Variants in PALLD observed in about 807,000 individuals in gnomAD.
The protein encoded by PALLD is palladin, cytoskeletal associated protein.
PALLD carries 61 observed loss-of-function variants against 123.5 expected under a neutral mutation model. That is an observed-to-expected ratio of 0.49 (90% CI 0.40 to 0.61). The LOEUF (loss-of-function observed/expected upper bound fraction) is 0.61, where lower values mean the gene tolerates loss of function less well. Among genes scored for constraint, PALLD ranks in the 20% least tolerant of loss-of-function variants. The pLI, the probability that PALLD is intolerant of heterozygous loss-of-function variation, is 0.00. For synonymous variants in PALLD, 465 were observed against 496.4 expected, an observed-to-expected ratio of 0.94 and a Z score of 0.84; for missense variants, 1,273 against 1,377.0, an observed-to-expected ratio of 0.92 and a Z score of 1.20.
intron 2 of PALLD, among the ~76,000 whole-genome samples, chr4:168,576,697 C>T (rs960124252): frequency 6.6e-6 from 1 of 152,196 alleles, no homozygotes; most frequent in Non-Finnish European, 1.5e-5. Context: ...AATAAACATA[C>T]GTGTGCATGT....
intron 2 of PALLD, among the ~76,000 whole-genome samples, chr4:168,664,659 G>C (rs12510603): frequency 1.4e-4 from 22 of 151,738 alleles, no homozygotes; most frequent in Admixed American, 1.3e-3. Flanking sequence ...TGCTTTCAGG[G>C]AAAGCAACTG....
At chr4:168,708,797 G>A (rs1024367085) in intron 8 of PALLD, among the ~76,000 whole-genome samples, 2 of 151,982 alleles carry the variant, frequency 1.3e-5, no homozygotes, top group Non-Finnish European at 2.9e-5. Flanking sequence ...TGAGGACACC[G>A]AGACTGCTCT....
At chr4:168,744,349 G>A (rs909331594) in intron 10 of PALLD, among the ~76,000 whole-genome samples, 12 of 152,128 alleles carry the variant, frequency 7.9e-5, no homozygotes, top group African/African-American at 2.7e-4. Flanking sequence ...TATCTCTGTT[G>A]GGCCAGTTCT....
Position 168,671,399 on chromosome 4 carries a change from G to A in PALLD, c.1087+3031G>A, listed in dbSNP as rs1189177729. On this transcript the variant is annotated intron_variant, in intron 3 of 21. Transcript: ENST00000505667. ...GTTCGGGACTTCAACAGAGATAGTG[G>A]ATTTCTTCCAGTGCCCAGCTTTCCA... Among the ~76,000 whole-genome samples the A allele has an allele frequency of 2.0e-5, 3 of 152,214 alleles. 1 individual carries two copies. The highest frequency in any genetic ancestry group is 4.8e-5 in the African/African-American group (2 of 41,444).
intron 10 of PALLD, among the ~76,000 whole-genome samples, chr4:168,731,298 G>A (rs769963024): frequency 6.6e-6 from 1 of 152,218 alleles, no homozygotes; most frequent in Non-Finnish European, 1.5e-5. Context: ...CCATCTTTAA[G>A]TGGATGTCAA....
At chr4:168,601,534 G>T (rs563104117) in intron 2 of PALLD, among the ~76,000 whole-genome samples, 11 of 152,172 alleles carry the variant, frequency 7.2e-5, no homozygotes, top group African/African-American at 2.6e-4. Context: ...TTACTCTAGA[G>T]AAAATTCACA....
intron 2 of PALLD, among the ~76,000 whole-genome samples, chr4:168,512,620 A>G (rs1296400475): frequency 1.3e-5 from 2 of 152,158 alleles, no homozygotes; most frequent in Non-Finnish European, 2.9e-5. Context: ...CCTCTGTGCT[A>G]AGGAAGGAAG....
chr4:168,905,145 T>G (rs6553271), intron 15 of PALLD, among the ~76,000 whole-genome samples: 24,284 of 32,984 alleles, frequency 0.74, 9,152 homozygotes, highest in Middle Eastern at 0.82. Flanking sequence ...TTGGTTTTTT[T>G]TTTTTTTTTT....
At chr4:168,540,810 A>G (rs1453110870) in intron 2 of PALLD, among the ~76,000 whole-genome samples, 1 of 151,286 alleles carries the variant, frequency 6.6e-6, no homozygotes, top group Non-Finnish European at 1.5e-5. Flanking sequence ...TGGGAAGAAA[A>G]AAAAAAAAAA....
At chr4:168,585,852 C>A (rs1770763323) in intron 2 of PALLD, among the ~76,000 whole-genome samples, 1 of 152,164 alleles carries the variant, frequency 6.6e-6, no homozygotes, top group Non-Finnish European at 1.5e-5. Flanking sequence ...GAGGCCAGAG[C>A]TGAGATTTCC....
intron 21 of PALLD, chr4:168,925,523 C>G: frequency 2.0e-6 from 1 of 493,306 alleles, no homozygotes; most frequent in Non-Finnish European, 3.7e-6. Context: ...TCCTGGAATG[C>G]GTACTTTTGT....
rs1410502930 is a variant in PALLD at position 168,564,039 on chromosome 4, TG to T, written c.908+51628del. ...AGCCTTCACCCTTCCCAGTCTCCAT[TG>T]TCTGTCCACATGGAAGAAAATCTCT... On this transcript the variant is annotated intron_variant, in intron 2 of 21. Coordinates refer to ENST00000505667, the MANE Select transcript of PALLD (RefSeq NM_001166108.2). Among the ~76,000 whole-genome samples the T allele has an allele frequency of 7.2e-5, 11 of 152,280 alleles. No individual in the cohort carries two copies. In the Middle Eastern group the frequency reaches 0.01, roughly 141 times the overall value.
intron 10 of PALLD, among the ~76,000 whole-genome samples, chr4:168,713,001 A>G (rs1445119728): frequency 6.6e-6 from 1 of 152,218 alleles, no homozygotes; most frequent in East Asian, 1.9e-4. Flanking sequence ...ACAACATTAG[A>G]CTAATCAAAT....
chr4:168,631,169 G>A (rs1423275468), intron 2 of PALLD, among the ~76,000 whole-genome samples: 2 of 152,194 alleles, frequency 1.3e-5, no homozygotes, highest in Non-Finnish European at 2.9e-5. Flanking sequence ...CGGCATCAGA[G>A]GAGCAATTTA....
intron 10 of PALLD, among the ~76,000 whole-genome samples, chr4:168,792,993 C>G (rs1449552673): frequency 6.6e-6 from 1 of 151,452 alleles, no homozygotes; most frequent in Non-Finnish European, 1.5e-5. Context: ...TCTCAAACTC[C>G]TGACCTCAAA....
intron 15 of PALLD, among the ~76,000 whole-genome samples, chr4:168,909,975 G>A (rs1388072258): frequency 6.6e-6 from 1 of 152,122 alleles, no homozygotes; most frequent in Non-Finnish European, 1.5e-5. Flanking sequence ...CAATAACACT[G>A]TATAAATCAA....
intron 10 of PALLD, among the ~76,000 whole-genome samples, chr4:168,714,687 T>G (rs1205326444): frequency 1.3e-5 from 2 of 152,310 alleles, no homozygotes; most frequent in East Asian, 3.9e-4. Flanking sequence ...AAGGCTTATA[T>G]TTGGTGGCGT....
intron 2 of PALLD, among the ~76,000 whole-genome samples, chr4:168,645,255 A>G (rs1777332302): frequency 6.6e-6 from 1 of 152,156 alleles, no homozygotes; most frequent in African/African-American, 2.4e-5. Context: ...TGTTGTAAAG[A>G]TTAAATGAGA....
At chr4:168,512,433 C>G in intron 2 of PALLD, 21 bp downstream of exon 2, 1 of 1,592,582 alleles carries the variant, frequency 6.3e-7, no homozygotes, top group Non-Finnish European at 8.6e-7. Context: ...TTGTATTATG[C>G]ATAGCAAATG....
Sources: gnomAD v4.1 joint callset for allele counts (sites outside exome capture counted in the v4.1 genomes callset) on GRCh38, gnomAD v4.1.1 for gene constraint, MANE v1.5 for transcripts, NCBI Gene and HGNC (gene_info 2026-07-23, HGNC 2026-07-21) for gene names.